The following RBFOX1 variants were observed in gnomAD, a reference collection of about 807,000 sequenced individuals.
RBFOX1 encodes the protein RNA binding fox-1 homolog 1, also known as RNA binding protein fox-1 homolog 1.
A neutral mutation model predicts 57.7 loss-of-function variants in RBFOX1; 8 were observed. That is an observed-to-expected ratio of 0.14 (90% confidence interval 0.08 to 0.25). RBFOX1 has a LOEUF of 0.25. RBFOX1 is among the 10% of genes least tolerant of loss of function. The pLI, the probability that RBFOX1 is intolerant of heterozygous loss-of-function variation, is 1.00. For missense variants in RBFOX1, 611 were observed against 548.5 expected (o/e 1.11, Z -1.14); for synonymous variants, 326 against 222.4 (o/e 1.47, Z -4.15).
chr16:6,365,547 C>G (rs1568027579), intron 2 of RBFOX1, among the ~76,000 whole-genome samples: 1 of 151,826 alleles, frequency 6.6e-6, no homozygotes, highest in African/African-American at 2.4e-5. Flanking sequence ...ACATCTTATG[C>G]TCTTCATGTC....
At chr16:6,113,713 C>T (rs1211793584) in intron 1 of RBFOX1, among the ~76,000 whole-genome samples, 1 of 152,186 alleles carries the variant, frequency 6.6e-6, no homozygotes, top group African/African-American at 2.4e-5. Flanking sequence ...TGGGCTTCAC[C>T]CACATTTGGA....
Position 5,742,821 on chromosome 16 carries a change from G to A in RBFOX1, c.319-124482G>A, listed in dbSNP as rs571584061. 9.2e-5 allele frequency among the ~76,000 whole-genome samples: 14 copies of A among 152,342 alleles called. 1 individual carries two copies. The South Asian group carries it at 2.9e-3, about 32-fold the overall frequency. On this transcript the variant is annotated intron_variant, in intron 3 of 19. Transcript: ENST00000641259. ...AATGGGACTAAAGGTAAGCTAGCCT[G>A]AAAGAACCAATGGGGGCTAAGAGCT...
At chr16:6,594,459 C>T (rs1395959383) in intron 2 of RBFOX1, among the ~76,000 whole-genome samples, 2 of 152,264 alleles carry the variant, frequency 1.3e-5, no homozygotes, top group African/African-American at 2.4e-5. Context: ...GCAAACTCGG[C>T]AATAAATGCC....
intron 4 of RBFOX1, among the ~76,000 whole-genome samples, chr16:5,954,714 G>A (rs1175555198): frequency 2.0e-5 from 3 of 152,104 alleles, no homozygotes; most frequent in African/African-American, 7.2e-5. Context: ...TGCGCCGTGA[G>A]CTATTATTTC....
intron 4 of RBFOX1, among the ~76,000 whole-genome samples, chr16:7,505,266 A>G (rs1227691851): frequency 1.3e-5 from 2 of 151,064 alleles, no homozygotes; most frequent in East Asian, 3.9e-4. Context: ...AAAGGAAACC[A>G]GACAAGGTTC....
At chr16:7,236,825 G>T (rs1417535113) in intron 4 of RBFOX1, among the ~76,000 whole-genome samples, 1 of 152,078 alleles carries the variant, frequency 6.6e-6, no homozygotes, top group Non-Finnish European at 1.5e-5. Flanking sequence ...AACATATCTT[G>T]TCCTCAGCAA....
At chr16:6,434,149 C>G (rs72760923) in intron 2 of RBFOX1, among the ~76,000 whole-genome samples, 1 of 152,126 alleles carries the variant, frequency 6.6e-6, no homozygotes, top group Non-Finnish European at 1.5e-5. Context: ...TGCCTGGTCA[C>G]TTCTAAGGGC....
chr16:5,782,585 T>C (rs1205156860), intron 3 of RBFOX1, among the ~76,000 whole-genome samples: 1 of 152,188 alleles, frequency 6.6e-6, no homozygotes. Context: ...GGGGATTTTA[T>C]ATTGATTGCT....
At chr16:6,327,979 G>T (rs1370989476) in intron 2 of RBFOX1, among the ~76,000 whole-genome samples, 3 of 152,152 alleles carry the variant, frequency 2.0e-5, no homozygotes, top group Non-Finnish European at 4.4e-5. Flanking sequence ...AATGATCTGG[G>T]TGGAAACGTA....
chr16:5,900,322 A>G (rs1178103542), intron 4 of RBFOX1, among the ~76,000 whole-genome samples: 2 of 152,170 alleles, frequency 1.3e-5, no homozygotes, highest in African/African-American at 2.4e-5. Flanking sequence ...AATGCCTGTA[A>G]ATGTGAATAA....
chr16:7,426,424 C>G (rs570633922), intron 4 of RBFOX1, among the ~76,000 whole-genome samples: 2 of 152,288 alleles, frequency 1.3e-5, no homozygotes, highest in Non-Finnish European at 2.9e-5. Context: ...ATTAACTCCC[C>G]ACCTCTGAAT....
intron 4 of RBFOX1, among the ~76,000 whole-genome samples, chr16:7,255,517 A>C (rs1423004685): frequency 6.6e-6 from 1 of 152,236 alleles, no homozygotes; most frequent in Non-Finnish European, 1.5e-5. Flanking sequence ...TGTCCAGCTT[A>C]TATTTAGTGT....
chr16:6,014,944 C>A (rs147179545), upstream of RBFOX1, among the ~76,000 whole-genome samples: 5 of 151,710 alleles, frequency 3.3e-5, no homozygotes, highest in East Asian at 7.8e-4. Flanking sequence ...TAGCCTCAAG[C>A]TCCCAGGCTT....
intron 1 of RBFOX1, among the ~76,000 whole-genome samples, chr16:5,403,467 G>A (rs114895730): frequency 0.034 from 5,193 of 151,884 alleles, 125 homozygotes; most frequent in African/African-American, 0.064. Context: ...TTTTTGAGAC[G>A]GAGTGTCACT....
At chr16:5,394,662 A>C (rs1417973240) in intron 1 of RBFOX1, among the ~76,000 whole-genome samples, 2 of 151,090 alleles carry the variant, frequency 1.3e-5, no homozygotes, top group South Asian at 2.1e-4. Context: ...CCTGGGCCCA[A>C]GCAATCCTCC....
chr16:6,479,816 G>A (rs2095342993), intron 2 of RBFOX1, among the ~76,000 whole-genome samples: 1 of 151,956 alleles, frequency 6.6e-6, no homozygotes, highest in African/African-American at 2.4e-5. Context: ...TTGGGAGGCC[G>A]AGGCAGGCAG....
intron 4 of RBFOX1, among the ~76,000 whole-genome samples, chr16:7,178,405 C>A (rs1045771332): frequency 1.3e-5 from 2 of 152,198 alleles, no homozygotes; most frequent in Admixed American, 1.3e-4. Flanking sequence ...CAAACACAAT[C>A]TTCCCAAGTT....
intron 3 of RBFOX1, among the ~76,000 whole-genome samples, chr16:6,957,931 C>G (rs1259585162): frequency 6.6e-6 from 1 of 152,056 alleles, no homozygotes; most frequent in Non-Finnish European, 1.5e-5. Flanking sequence ...TGACCTAGCC[C>G]GAGAAGTCAC....
intron 5 of RBFOX1, among the ~76,000 whole-genome samples, chr16:7,531,547 C>T (rs974081211): frequency 2.6e-5 from 4 of 152,174 alleles, no homozygotes; most frequent in South Asian, 2.1e-4. Context: ...AAGGCAGCCA[C>T]GGTCCACTGT....
Sources: gnomAD v4.1 joint callset for allele counts (sites outside exome capture counted in the v4.1 genomes callset) on GRCh38, gnomAD v4.1.1 for gene constraint, MANE v1.5 for transcripts, NCBI Gene and HGNC (gene_info 2026-07-23, HGNC 2026-07-21) for gene names.